The following NINJ2 variants were observed in gnomAD, a reference collection of about 807,000 sequenced individuals.
The protein encoded by NINJ2 is ninjurin-2.
NINJ2 carries 12 observed loss-of-function variants against 11.7 expected under a neutral mutation model. The observed-to-expected ratio is 1.02, with a 90% CI of 0.66 to 1.66. NINJ2 has a LOEUF of 1.66. Ranked by LOEUF, NINJ2 falls within the 40% of genes most tolerant of loss-of-function variation. NINJ2 has a pLI of 0.00. For missense variants in NINJ2, 187 were observed against 181.8 expected (o/e 1.03, Z -0.16); for synonymous variants, 93 against 76.8 (o/e 1.21, Z -1.10).
At chr12:620,743 C>T (rs1414336184) in intron 1 of NINJ2, among the ~76,000 whole-genome samples, 1 of 152,166 alleles carries the variant, frequency 6.6e-6, no homozygotes, top group South Asian at 2.1e-4. Context: ...AATTCTCCTG[C>T]CTCAGCCTCC....
At chr12:589,593 C>A (rs1445312769) in intron 1 of NINJ2, 14 of 152,332 alleles carry the variant, frequency 9.2e-5, no homozygotes, top group African/African-American at 3.4e-4. Context: ...AACACTTCCA[C>A]TTCTAATTTT....
At chr12:657,422 T>A (rs904887357) in intron 1 of NINJ2, among the ~76,000 whole-genome samples, 5 of 152,090 alleles carry the variant, frequency 3.3e-5, no homozygotes, top group Admixed American at 3.3e-4. Context: ...ACCCCGCCTC[T>A]ATTAAAAATA....
chr12:659,305 T>C (rs540040125), intron 1 of NINJ2, among the ~76,000 whole-genome samples: 1 of 152,070 alleles, frequency 6.6e-6, no homozygotes, highest in East Asian at 1.9e-4. Context: ...TCCATCAACA[T>C]GCAGCACAGG....
chr12:603,753 C>T (rs1390827667), intron 1 of NINJ2, among the ~76,000 whole-genome samples: 2 of 152,046 alleles, frequency 1.3e-5, no homozygotes, highest in African/African-American at 2.4e-5. Context: ...CTCTGCCTCC[C>T]AGGTTCAAGT....
At chr12:599,464 A>G (rs959873383) in intron 1 of NINJ2, among the ~76,000 whole-genome samples, 3 of 152,212 alleles carry the variant, frequency 2.0e-5, no homozygotes, top group Non-Finnish European at 4.4e-5. Context: ...TGAGGGGGTC[A>G]TAGCCCCCAA....
chr12:614,815 A>G lies in NINJ2; in HGVS notation c.33+48513T>C, dbSNP rs10849345. 0.35 allele frequency among the ~76,000 whole-genome samples: 52,500 copies of G among 152,066 alleles called. 9,316 individuals carry two copies. The highest frequency in any genetic ancestry group is 0.47 in the East Asian group (2,426 of 5,164). On this transcript the variant is annotated intron_variant, in intron 1 of 3. Coordinates refer to ENST00000305108, the MANE Select transcript of NINJ2 (RefSeq NM_016533.6). This position sits in a 1 kb window ranked among gnomAD's most constrained non-coding sequence, Gnocchi z 5.1. ...TCAGGTTCCCAGAGGCCTAGGGGCAAGACCATGTCTTCACACGTCGGGCAG... is the reference window on the plus strand; with the variant it reads ...TCAGGTTCCCAGAGGCCTAGGGGCAGGACCATGTCTTCACACGTCGGGCAG...
intron 1 of NINJ2, among the ~76,000 whole-genome samples, chr12:607,351 GGATGAT>G (rs10592628): frequency 3.4e-4 from 51 of 150,704 alleles, no homozygotes; most frequent in South Asian, 8.6e-4. Context: ...ACTCTGTAAG[GGATGAT>G]GATGATGATG....
At chr12:637,729 A>G (rs1565644579) in intron 1 of NINJ2, among the ~76,000 whole-genome samples, 1 of 152,174 alleles carries the variant, frequency 6.6e-6, no homozygotes, top group Non-Finnish European at 1.5e-5. Flanking sequence ...TGCAGAAGGA[A>G]TGCTAAGTGT....
intron 1 of NINJ2, among the ~76,000 whole-genome samples, chr12:577,433 ATAT>A (rs978446220): frequency 2.9e-5 from 4 of 139,974 alleles, no homozygotes; most frequent in Non-Finnish European, 6.2e-5. Flanking sequence ...ATATATACAT[ATAT>A]ATATATAAAT....
intron 1 of NINJ2, among the ~76,000 whole-genome samples, chr12:634,262 G>GTCCTTTTTTTTTTTTTTT (rs1948316521): frequency 1.3e-5 from 1 of 75,622 alleles, no homozygotes; most frequent in Non-Finnish European, 2.9e-5. Flanking sequence ...ATTAGTTGCA[G>GTCCTTTTTTTTTTTTTTT]TTCTTTTTTT....
Position 565,954 on chromosome 12 carries a change from GACCAC to G in NINJ2, c.253_257del (p.Val85HisfsTer8). ...ACTGCAGGCTGGGCTCCTCACCAAT[GACCAC>G]GAGCAGGACACCGATGACCACCTGC... is the stretch of plus-strand genomic sequence containing the variant. On this transcript the variant is annotated frameshift_variant, in exon 2 of 4. Coordinates refer to ENST00000305108, the MANE Select transcript of NINJ2 (RefSeq NM_016533.6). LOFTEE classifies it high-confidence loss of function. 6.2e-7 allele frequency: 1 copy of G among 1,614,050 alleles called. No individual in the cohort carries two copies. Among genetic ancestry groups the G allele is most frequent in the South Asian group, 1.1e-5 (1 of 91,076 alleles).
At chr12:650,094 T>TG (rs34726104) in intron 1 of NINJ2, among the ~76,000 whole-genome samples, 3 of 151,482 alleles carry the variant, frequency 2.0e-5, no homozygotes, top group South Asian at 4.2e-4. Flanking sequence ...TTTTTTTTTT[T>TG]GGAGGCAAGG....
intron 1 of NINJ2, among the ~76,000 whole-genome samples, chr12:594,802 G>C (rs939539268): frequency 5.3e-5 from 8 of 152,150 alleles, no homozygotes; most frequent in African/African-American, 1.9e-4. Context: ...ATCCCAGCAA[G>C]TTATTTTGTA....
intron 1 of NINJ2, among the ~76,000 whole-genome samples, chr12:611,879 C>T (rs1161048463): frequency 6.6e-6 from 1 of 152,216 alleles, no homozygotes; most frequent in African/African-American, 2.4e-5. Flanking sequence ...ATCTATTTGA[C>T]CTTCTTGCAG....
intron 1 of NINJ2, among the ~76,000 whole-genome samples, chr12:650,810 T>C (rs991882461): frequency 2.0e-5 from 3 of 152,208 alleles, no homozygotes; most frequent in Non-Finnish European, 4.4e-5. Context: ...GCACTTGGAA[T>C]TAGCCACTCT....
At chr12:615,540 A>G (rs896412310) in intron 1 of NINJ2, among the ~76,000 whole-genome samples, 1 of 151,832 alleles carries the variant, frequency 6.6e-6, no homozygotes, top group Admixed American at 6.6e-5. Flanking sequence ...GTGAGCCGAG[A>G]TCACACCATT....
chr12:649,183 A>G (rs1402895599), intron 1 of NINJ2, among the ~76,000 whole-genome samples: 1 of 151,838 alleles, frequency 6.6e-6, no homozygotes, highest in Non-Finnish European at 1.5e-5. Context: ...AGTAGCTGGG[A>G]TTACAGGCAT....
intron 1 of NINJ2, among the ~76,000 whole-genome samples, chr12:619,556 G>C (rs1948130056): frequency 6.6e-6 from 1 of 152,166 alleles, no homozygotes; most frequent in Non-Finnish European, 1.5e-5. Context: ...AAAGAACGCT[G>C]TGTCCTCCAA....
At chr12:565,624 C>T in intron 2 of NINJ2, 1 of 613,456 alleles carries the variant, frequency 1.6e-6, no homozygotes, top group Admixed American at 2.9e-5. Context: ...GGAACTTAAG[C>T]TGGGTCCTGT....
Sources: allele counts gnomAD v4.1 joint callset (sites outside exome capture counted in the v4.1 genomes callset), GRCh38; gene constraint gnomAD v4.1.1; non-coding constraint Gnocchi (gnomAD v3.1); transcripts MANE v1.5; gene names NCBI Gene and HGNC (gene_info 2026-07-23, HGNC 2026-07-21).